NRP2: variants seen among roughly 807,000 people sequenced by gnomAD.
NRP2 encodes neuropilin-2.
NRP2 carries 52 observed loss-of-function variants against 110.4 expected under a neutral mutation model. The ratio of observed to expected loss-of-function variants is 0.47; its 90% CI spans 0.38 to 0.59. The LOEUF (loss-of-function observed/expected upper bound fraction) is 0.59. Ranked by LOEUF, NRP2 falls within the 20% of genes least tolerant of loss-of-function variation. The pLI is 0.00. For missense variants in NRP2, 1,049 were observed against 1,203.0 expected (o/e 0.87, Z 1.89); for synonymous variants, 508 against 468.9 (o/e 1.08, Z -1.08).
chr2:205,730,454 T>C (rs2057215962), intron 7 of NRP2, among the ~76,000 whole-genome samples: 1 of 152,062 alleles, frequency 6.6e-6, no homozygotes, highest in African/African-American at 2.4e-5. Flanking sequence ...AGCTGCTGGA[T>C]GGTGGGCACT....
intron 15 of NRP2, among the ~76,000 whole-genome samples, chr2:205,770,356 G>C (rs1235382531): frequency 6.6e-6 from 1 of 152,120 alleles, no homozygotes; most frequent in Non-Finnish European, 1.5e-5. Flanking sequence ...GCTGTCTCTT[G>C]GGCATAGAGG....
rs781592704 is a variant in NRP2 at position 205,716,289 on chromosome 2, G to A, written c.348G>A (p.Ser116=). 1.2e-6 allele frequency: 2 copies of A among 1,613,986 alleles called. No homozygotes were observed. Among genetic ancestry groups the A allele is most frequent in the South Asian group, 1.1e-5 (1 of 91,076 alleles). Residue 116 remains serine, a synonymous_variant, in exon 3 of 17, where the codon TCG becomes TCA. Transcript: ENST00000357785. ...GNIAPPTIIS[S]GSMLYIKFTS... Reference sequence around the variant, plus strand: ...TCGCCCCGCCCACCATCATCTCCTCGGGCTCCATGCTCTACATCAAGTTCA... The same window carrying A: ...TCGCCCCGCCCACCATCATCTCCTCAGGCTCCATGCTCTACATCAAGTTCA...
chr2:205,711,504 A>G (rs2056797758), intron 2 of NRP2, among the ~76,000 whole-genome samples: 1 of 152,186 alleles, frequency 6.6e-6, no homozygotes, highest in African/African-American at 2.4e-5. Context: ...AGCCCTGGAA[A>G]GCACCAATGA....
chr2:205,753,811 A>G (rs1327323277), intron 12 of NRP2, among the ~76,000 whole-genome samples: 3 of 152,172 alleles, frequency 2.0e-5, no homozygotes, highest in East Asian at 1.9e-4. Flanking sequence ...CACAACATCA[A>G]TGGAGATGGA....
intron 7 of NRP2, among the ~76,000 whole-genome samples, chr2:205,730,459 G>T (rs1248596591): frequency 6.6e-6 from 1 of 152,104 alleles, no homozygotes; most frequent in Non-Finnish European, 1.5e-5. Context: ...CTGGATGGTG[G>T]GCACTGTGCC....
chr2:205,771,962 AG>A (rs1275528732), intron 15 of NRP2, among the ~76,000 whole-genome samples: 25 of 152,368 alleles, frequency 1.6e-4, no homozygotes, highest in East Asian at 1.9e-4. Context: ...GGCCACAGTG[AG>A]CTGACCCCTG....
At chr2:205,696,189 G>A (rs185931144) in intron 1 of NRP2, among the ~76,000 whole-genome samples, 59 of 152,270 alleles carry the variant, frequency 3.9e-4, no homozygotes, top group South Asian at 8.3e-4. Context: ...TTTAAAGCCT[G>A]TCAGGCCGGT....
intron 2 of NRP2, among the ~76,000 whole-genome samples, chr2:205,711,319 T>A (rs2056793745): frequency 6.6e-6 from 1 of 152,176 alleles, no homozygotes; most frequent in South Asian, 2.1e-4. Context: ...AGGAGACAGA[T>A]CATAAACAAA....
intron 14 of NRP2, 31 bp from the exon 15 acceptor site, chr2:205,766,752 C>A (rs1264208418): frequency 6.2e-6 from 10 of 1,607,386 alleles, no homozygotes; most frequent in Non-Finnish European, 8.5e-6. Flanking sequence ...TTGCCTTTAA[C>A]TAAGTCCAAT....
chr2:205,766,890 C>G, intron 15 of NRP2, 87 bp downstream of exon 15: 1 of 1,258,624 alleles, frequency 7.9e-7, no homozygotes, highest in Non-Finnish European at 1.1e-6. Flanking sequence ...GGGGAATCAA[C>G]CTCCAAATTT....
chr2:205,752,371 C>G (rs2057662002), intron 11 of NRP2: 1 of 233,182 alleles, frequency 4.3e-6, no homozygotes, highest in Non-Finnish European at 8.5e-6. Context: ...GCAGAACCTC[C>G]CAGGGATTTC....
chr2:205,787,902 C>T (rs1027486775), intron 15 of NRP2, among the ~76,000 whole-genome samples: 1 of 152,106 alleles, frequency 6.6e-6, no homozygotes, highest in African/African-American at 2.4e-5. Flanking sequence ...TGTGGTCTTA[C>T]ACTACCAGGC....
chr2:205,721,182 G>A (rs572116843), intron 3 of NRP2, among the ~76,000 whole-genome samples: 3 of 152,292 alleles, frequency 2.0e-5, no homozygotes, highest in South Asian at 2.1e-4. Context: ...GCGGATAAAG[G>A]CATCGCTGCA....
At position 205,763,439 on chromosome 2, in the gene NRP2, G is replaced by A. The variant is rs1019405375; in HGVS notation, c.2045-235G>A. Among the ~76,000 whole-genome samples, 2 of 152,136 alleles carry A rather than the reference G, an allele frequency of 1.3e-5. No individual in the cohort carries two copies. The highest frequency in any genetic ancestry group is 2.9e-5 in the Non-Finnish European group (2 of 68,028). On this transcript the variant is annotated intron_variant, in intron 12 of 16. Coordinates refer to ENST00000357785, the MANE Select transcript of NRP2 (RefSeq NM_003872.3). The surrounding 1 kb of genome is among the most constrained non-coding windows in gnomAD (Gnocchi z 4.0). Reference sequence around the variant, plus strand: ...AAAGAGATGGAAAGGAAATGATACCGAGAAATAGGCAGGAGGGACCGATTT... The same window carrying A: ...AAAGAGATGGAAAGGAAATGATACCAAGAAATAGGCAGGAGGGACCGATTT...
rs1358280865 is a variant in NRP2, at chr2:205,743,295, C to T, written c.1384C>T (p.Pro462Ser). 2 of 1,614,156 alleles carry T rather than the reference C, an allele frequency of 1.2e-6. No homozygotes were observed. The highest frequency in any genetic ancestry group is 2.2e-5 in the South Asian group (2 of 91,078). The part of the protein sequence containing the change: ...ASSTQEYLWS[P>S]SAARLVSSRS... ...TTCCACCCAGGAATACCTCTGGAGC[C>T]CCAGTGCAGCCCGCCTGGTTAGCAG... Residue 462 changes from proline (P) to serine (S), a missense_variant, in exon 9 of 17, where the codon CCC becomes TCC. Coordinates refer to ENST00000357785, the MANE Select transcript of NRP2 (RefSeq NM_003872.3).
rs536820302 is a variant in NRP2, at chr2:205,748,661, G to A, written c.1787-1064G>A. On this transcript the variant is annotated intron_variant, in intron 10 of 16. Transcript: ENST00000357785. ...ATCCTGAAGGGTGCCTGACAAAGGC[G>A]CCTAATCACATACAGTAGTGCAAAG... Among the ~76,000 whole-genome samples the A allele has an allele frequency of 9.2e-5, 14 of 152,316 alleles. No homozygotes were observed. In the South Asian group the frequency reaches 1.0e-3, roughly 11 times the overall value.
intron 13 of NRP2, 77 bp from the exon 14 acceptor site, chr2:205,765,397 A>G (rs2057898549): frequency 1.6e-6 from 2 of 1,225,840 alleles, no homozygotes; most frequent in South Asian, 1.2e-5. Context: ...GCTGCAGCTA[A>G]CAGAAACTTG....
chr2:205,739,929 TG>T, intron 7 of NRP2: 1 of 198,358 alleles, frequency 5.0e-6, no homozygotes, highest in South Asian at 9.2e-5. Flanking sequence ...TCTGCAACCC[TG>T]ACCCTGCCAC....
At chr2:205,784,721 C>G (rs1449466876) in intron 15 of NRP2, among the ~76,000 whole-genome samples, 1 of 152,200 alleles carries the variant, frequency 6.6e-6, no homozygotes, top group Admixed American at 6.5e-5. Flanking sequence ...TGCAGTTTGT[C>G]TCCAACCTCC....
Sources: allele counts gnomAD v4.1 joint callset (sites outside exome capture counted in the v4.1 genomes callset), GRCh38; gene constraint gnomAD v4.1.1; non-coding constraint Gnocchi (gnomAD v3.1); transcripts MANE v1.5; gene names NCBI Gene and HGNC (gene_info 2026-07-23, HGNC 2026-07-21).